ERBIN: variants seen among roughly 807,000 people sequenced by gnomAD.
The protein encoded by ERBIN is erbb2 interacting protein.
In ERBIN, 60 loss-of-function variants were observed where a neutral mutation model predicts 158.4. That is an observed-to-expected ratio of 0.38 (90% CI 0.31 to 0.47). The LOEUF (loss-of-function observed/expected upper bound fraction) is 0.47. Among genes scored for constraint, ERBIN ranks in the 20% least tolerant of loss-of-function variants. The probability of loss-of-function intolerance (pLI) is 0.99; values close to 1 mark genes in which losing one functional copy is unlikely to be tolerated. For missense variants in ERBIN, 1,610 were observed against 1,648.0 expected, an observed-to-expected ratio of 0.98 and a Z score of 0.40; for synonymous variants, 594 against 557.2, an observed-to-expected ratio of 1.07 and a Z score of -0.93.
chr5:66,069,050 A>G (rs749956153), intron 21 of ERBIN: 2 of 1,444,568 alleles, frequency 1.4e-6, no homozygotes, highest in South Asian at 2.9e-5. Flanking sequence ...CAATACTTTT[A>G]GCTTGTAGAA....
At chr5:66,077,346 G>T (rs1219631841) in intron 25 of ERBIN, among the ~76,000 whole-genome samples, 1 of 151,894 alleles carries the variant, frequency 6.6e-6, no homozygotes, top group African/African-American at 2.4e-5. Flanking sequence ...TGTTCATTCA[G>T]CTACTCATTT....
At chr5:65,989,604 G>C (rs1044941139) in intron 2 of ERBIN, among the ~76,000 whole-genome samples, 1 of 152,118 alleles carries the variant, frequency 6.6e-6, no homozygotes, top group Non-Finnish European at 1.5e-5. Context: ...ATCGGAAATT[G>C]TTATATCTCC....
chr5:65,941,676 C>T (rs1027828530), intron 1 of ERBIN, among the ~76,000 whole-genome samples: 1 of 152,126 alleles, frequency 6.6e-6, no homozygotes, highest in Non-Finnish European at 1.5e-5. Context: ...GGATCTTTGT[C>T]ACTACTTATA....
At chr5:65,977,649 C>G (rs983425471) in intron 1 of ERBIN, among the ~76,000 whole-genome samples, 12 of 151,378 alleles carry the variant, frequency 7.9e-5, no homozygotes, top group African/African-American at 2.9e-4. Flanking sequence ...GGTGGCCGGG[C>G]AGAGACGCTC....
At chr5:66,021,580 G>A (rs529103156) in intron 8 of ERBIN, among the ~76,000 whole-genome samples, 195 bp downstream of exon 8, 1 of 152,070 alleles carries the variant, frequency 6.6e-6, no homozygotes, top group Admixed American at 6.6e-5. Flanking sequence ...CTGACCACAA[G>A]TGAGCATAAA....
chr5:65,986,887 A>G (rs538868659), intron 1 of ERBIN, among the ~76,000 whole-genome samples: 60 of 152,332 alleles, frequency 3.9e-4, no homozygotes, highest in East Asian at 2.5e-3. Flanking sequence ...TTGCTTAGCA[A>G]TGCTGTTTGA....
chr5:65,947,498 G>A (rs898067714), intron 1 of ERBIN, among the ~76,000 whole-genome samples: 1 of 152,154 alleles, frequency 6.6e-6, no homozygotes, highest in Non-Finnish European at 1.5e-5. Flanking sequence ...GATTTGAGGT[G>A]ACACTTAATA....
chr5:65,969,346 G>T (rs1367689795), intron 1 of ERBIN, among the ~76,000 whole-genome samples: 5 of 152,162 alleles, frequency 3.3e-5, no homozygotes, highest in Non-Finnish European at 7.4e-5. Flanking sequence ...GTTTTCTGTT[G>T]CTGATTCAGT....
chr5:66,008,282 G>A (rs1256991321), intron 4 of ERBIN, among the ~76,000 whole-genome samples: 3 of 152,076 alleles, frequency 2.0e-5, no homozygotes, highest in Admixed American at 6.5e-5. Context: ...AGCCGGGCGT[G>A]GTGGCGGGCG....
intron 21 of ERBIN, among the ~76,000 whole-genome samples, chr5:66,058,573 C>T (rs152939): frequency 0.16 from 24,379 of 149,190 alleles, 2,435 homozygotes; most frequent in East Asian, 0.45. Flanking sequence ...GCTTTTGTTG[C>T]CATTGCTTTT....
At chr5:66,068,023 T>G (rs936532140) in intron 21 of ERBIN, among the ~76,000 whole-genome samples, 2 of 152,192 alleles carry the variant, frequency 1.3e-5, no homozygotes, top group Non-Finnish European at 2.9e-5. Flanking sequence ...GATATTTTTC[T>G]AAACATTTAG....
At chr5:65,994,413 C>T (rs889664771) in intron 3 of ERBIN, among the ~76,000 whole-genome samples, 1 of 152,134 alleles carries the variant, frequency 6.6e-6, no homozygotes. Context: ...ATAGGGCTTT[C>T]ATTTTGGAAT....
At chr5:65,994,602 G>T in intron 3 of ERBIN, 145 bp from the exon 4 acceptor site, 3 of 547,276 alleles carry the variant, frequency 5.5e-6, no homozygotes, top group Non-Finnish European at 3.2e-6. Flanking sequence ...ATCCATAATA[G>T]CATAACCAGA....
At position 66,044,438 on chromosome 5, in the gene ERBIN, G is replaced by A. The variant is rs940887960; in HGVS notation, c.1602+128G>A. On this transcript the variant is annotated intron_variant, in intron 17 of 25. Transcript: ENST00000284037. The stretch of plus-strand genomic sequence containing the variant: ...TGCACCACAGAATGATATTTCGGTC[G>A]ACATGCTCACATACATATGATGGTG... 10 of 840,758 alleles carry A rather than the reference G, an allele frequency of 1.2e-5. No individual in the cohort carries two copies. The Admixed American group carries it at 1.2e-4, about 10-fold the overall frequency. 52.1% of individuals were successfully genotyped at this position (840,758 alleles called of 1,614,324 possible). A position where few individuals can be genotyped will look rare whatever the true frequency, so the allele number is the denominator to read the frequency against.
Position 66,038,453 on chromosome 5 carries a change from T to C in ERBIN, c.1277T>C (p.Met426Thr). 1 of 1,611,824 alleles carries C rather than the reference T, an allele frequency of 6.2e-7. No homozygotes were observed. The highest frequency in any genetic ancestry group is 1.1e-5 in the South Asian group (1 of 90,808). ...ETQKMVLTNY[M>T]FPQQPRTEDV... Reference sequence around the variant, plus strand: ...CAGAAAATGGTGCTTACCAACTACATGTTCCCTCAACAGCCAAGGACTGAG... The same window carrying C: ...CAGAAAATGGTGCTTACCAACTACACGTTCCCTCAACAGCCAAGGACTGAG... Residue 426 changes from methionine to threonine, a missense_variant, in exon 15 of 26, where the codon ATG (methionine) becomes ACG (threonine). By Grantham distance (81) the Met-to-Thr change is moderately conservative (BLOSUM62 -1). This residue lies in a region of ERBIN where 596 missense variants were observed against 711.9 expected (regional missense o/e 0.84). Coordinates refer to ENST00000284037, the MANE Select transcript of ERBIN (RefSeq NM_001253697.2).
At chr5:66,028,169 G>T in intron 13 of ERBIN, 105 bp from the exon 14 acceptor site, 1 of 651,760 alleles carries the variant, frequency 1.5e-6, no homozygotes, top group South Asian at 2.8e-5. Flanking sequence ...CTATTTTCAT[G>T]TGCAACTATA....
intron 2 of ERBIN, among the ~76,000 whole-genome samples, chr5:65,990,385 T>TATAGTA (rs1404672216): frequency 6.6e-6 from 1 of 151,526 alleles, no homozygotes; most frequent in African/African-American, 2.4e-5. Context: ...ACTGAGTAAG[T>TATAGTA]AGGCCGAGTG....
At chr5:65,964,608 G>A (rs779511299) in intron 1 of ERBIN, among the ~76,000 whole-genome samples, 4 of 152,138 alleles carry the variant, frequency 2.6e-5, no homozygotes, top group African/African-American at 4.8e-5. Flanking sequence ...TATAATGACA[G>A]CAATAATAAT....
chr5:66,034,771 C>T (rs775073681), intron 14 of ERBIN, among the ~76,000 whole-genome samples: 4 of 152,042 alleles, frequency 2.6e-5, no homozygotes, highest in Admixed American at 6.5e-5. Context: ...ATTTGCTCAG[C>T]AATGTAATAT....
Sources: allele counts gnomAD v4.1 joint callset (sites outside exome capture counted in the v4.1 genomes callset), GRCh38; gene constraint gnomAD v4.1.1; regional missense constraint gnomAD v4.1.1; transcripts MANE v1.5; gene names NCBI Gene and HGNC (gene_info 2026-07-23, HGNC 2026-07-21).